The following CDH18 variants were observed in gnomAD, a reference collection of about 807,000 sequenced individuals.
The protein encoded by CDH18 is cadherin 18.
In CDH18, 31 loss-of-function variants were observed where a neutral mutation model predicts 67.9. The ratio of observed to expected loss-of-function variants is 0.46; its 90% CI spans 0.34 to 0.62. The LOEUF (loss-of-function observed/expected upper bound fraction) is 0.62, where lower values mean the gene tolerates loss of function less well. CDH18 is among the 20% of genes least tolerant of loss of function. The probability of loss-of-function intolerance (pLI) is 0.01; values close to 1 mark genes in which losing one functional copy is unlikely to be tolerated. For missense variants in CDH18, 890 were observed against 975.5 expected (o/e 0.91, Z 1.17); for synonymous variants, 362 against 347.2 (o/e 1.04, Z -0.48).
chr5:19,706,858 A>G (rs185670458), intron 5 of CDH18, among the ~76,000 whole-genome samples: 1 of 152,314 alleles, frequency 6.6e-6, no homozygotes, highest in Non-Finnish European at 1.5e-5. Flanking sequence ...AATAGGGACT[A>G]CGGGACTCCA....
chr5:19,656,308 AT>A (rs757396425), intron 5 of CDH18, among the ~76,000 whole-genome samples: 1 of 152,170 alleles, frequency 6.6e-6, no homozygotes, highest in Non-Finnish European at 1.5e-5. Flanking sequence ...CTTTAATCAA[AT>A]TTAAAACATT....
intron 1 of CDH18, among the ~76,000 whole-genome samples, chr5:20,392,058 T>A (rs996911359): frequency 6.6e-6 from 1 of 151,966 alleles, no homozygotes; most frequent in African/African-American, 2.4e-5. Flanking sequence ...TTATTGTAGA[T>A]AAATGTAATA....
intron 2 of CDH18, among the ~76,000 whole-genome samples, chr5:20,013,628 T>A (rs1419861458): frequency 6.6e-6 from 1 of 152,096 alleles, no homozygotes; most frequent in East Asian, 1.9e-4. Context: ...AATAGTTAAG[T>A]CTTCTAATTC....
intron 1 of CDH18, among the ~76,000 whole-genome samples, chr5:20,445,228 G>C (rs2150197456): frequency 6.6e-6 from 1 of 152,276 alleles, no homozygotes; most frequent in East Asian, 1.9e-4. Context: ...ACATCATTTA[G>C]AGTTTATTTC....
Position 20,137,845 on chromosome 5 carries a change from C to G in CDH18, c.-518+117599G>C, listed in dbSNP as rs528371266. Among the ~76,000 whole-genome samples, 5 of 152,076 alleles carry G rather than the reference C, an allele frequency of 3.3e-5. No homozygotes were observed. The South Asian group carries it at 1.0e-3, about 32-fold the overall frequency. On this transcript the variant is annotated intron_variant, in intron 2 of 14. Transcript: ENST00000507958. Reference sequence around the variant, plus strand: ...CTCAGCCTACCAACCAAAAAAAAGTCCAGGATCATATGGATTCACAGCCGA... The same window carrying G: ...CTCAGCCTACCAACCAAAAAAAAGTGCAGGATCATATGGATTCACAGCCGA...
intron 2 of CDH18, among the ~76,000 whole-genome samples, chr5:20,230,124 T>C (rs1157041751): frequency 3.3e-5 from 5 of 152,180 alleles, no homozygotes; most frequent in Non-Finnish European, 7.4e-5. Context: ...GTCTAGGTTG[T>C]ATGGTGCTCC....
intron 8 of CDH18, among the ~76,000 whole-genome samples, chr5:19,557,704 C>A (rs1202658765): frequency 6.6e-6 from 1 of 152,020 alleles, no homozygotes; most frequent in Non-Finnish European, 1.5e-5. Flanking sequence ...TGGAGGACTT[C>A]AATATTCCAC....
At chr5:20,231,786 T>A in intron 2 of CDH18, among the ~76,000 whole-genome samples, 1 of 152,244 alleles carries the variant, frequency 6.6e-6, no homozygotes, top group Non-Finnish European at 1.5e-5. Context: ...TGTTTACTGA[T>A]AATAAATAAA....
chr5:20,479,732 A>G (rs905490510), intron 1 of CDH18, among the ~76,000 whole-genome samples: 1 of 152,180 alleles, frequency 6.6e-6, no homozygotes, highest in Non-Finnish European at 1.5e-5. Flanking sequence ...TATTCAGAGG[A>G]ATAGTAACAA....
At chr5:19,790,302 T>A (rs1776224386) in intron 3 of CDH18, among the ~76,000 whole-genome samples, 1 of 152,206 alleles carries the variant, frequency 6.6e-6, no homozygotes, top group African/African-American at 2.4e-5. Flanking sequence ...TCTGATTTTT[T>A]ATTACTGCAT....
At chr5:19,933,009 T>C (rs1431480151) in intron 2 of CDH18, among the ~76,000 whole-genome samples, 1 of 151,680 alleles carries the variant, frequency 6.6e-6, no homozygotes, top group Non-Finnish European at 1.5e-5. Context: ...TAGGTAATAA[T>C]AATACCTAAT....
intron 2 of CDH18, among the ~76,000 whole-genome samples, chr5:20,250,157 T>C (rs1455342870): frequency 6.6e-6 from 1 of 152,170 alleles, no homozygotes; most frequent in Admixed American, 6.6e-5. Context: ...CATAAAGACA[T>C]GGTTAGGGCT....
chr5:20,552,691 A>AT (rs1381774415), intron 1 of CDH18, among the ~76,000 whole-genome samples: 1 of 152,196 alleles, frequency 6.6e-6, no homozygotes, highest in African/African-American at 2.4e-5. Context: ...ATATTTTTAC[A>AT]TAAAAACTTA....
At chr5:19,681,575 T>A (rs905111647) in intron 5 of CDH18, among the ~76,000 whole-genome samples, 1 of 151,926 alleles carries the variant, frequency 6.6e-6, no homozygotes, top group African/African-American at 2.4e-5. Context: ...ATAGCTGAAA[T>A]GCCAACCAGG....
intron 3 of CDH18, among the ~76,000 whole-genome samples, chr5:19,779,097 A>G (rs1261102742): frequency 6.6e-6 from 1 of 152,194 alleles, no homozygotes; most frequent in Non-Finnish European, 1.5e-5. Flanking sequence ...AAATTTTTAT[A>G]TTAATACATG....
At chr5:19,480,237 T>G (rs1739172723) in intron 12 of CDH18, among the ~76,000 whole-genome samples, 1 of 152,134 alleles carries the variant, frequency 6.6e-6, no homozygotes, top group Non-Finnish European at 1.5e-5. Flanking sequence ...TGTGCAGCCT[T>G]GTTTTCTCTT....
chr5:20,453,443 CA>C (rs1750611619), intron 1 of CDH18, among the ~76,000 whole-genome samples: 2 of 152,020 alleles, frequency 1.3e-5, no homozygotes, highest in South Asian at 4.1e-4. Context: ...AATTTTCAAA[CA>C]ACAAATAAGC....
chr5:20,065,182 A>G (rs1237086453), intron 2 of CDH18, among the ~76,000 whole-genome samples: 2 of 151,888 alleles, frequency 1.3e-5, no homozygotes, highest in East Asian at 3.9e-4. Context: ...AGTTAAGTTT[A>G]AAAAAATGGC....
At chr5:19,644,186 A>G (rs1238904397) in intron 5 of CDH18, among the ~76,000 whole-genome samples, 1 of 152,082 alleles carries the variant, frequency 6.6e-6, no homozygotes, top group Non-Finnish European at 1.5e-5. Flanking sequence ...ATGTTGTAAT[A>G]AGAGAAAAAT....
Sources: allele counts gnomAD v4.1 joint callset (sites outside exome capture counted in the v4.1 genomes callset), GRCh38; gene constraint gnomAD v4.1.1; transcripts MANE v1.5; gene names NCBI Gene and HGNC (gene_info 2026-07-23, HGNC 2026-07-21).